The following NCAM1 variants were observed in gnomAD, a reference collection of about 807,000 sequenced individuals.
NCAM1 encodes the protein antigen recognized by monoclonal antibody 5.1H11.
In NCAM1, 14 loss-of-function variants were observed where a neutral mutation model predicts 109.8. The observed-to-expected ratio is 0.13, with a 90% CI of 0.08 to 0.20. NCAM1 has a LOEUF of 0.20. NCAM1 is among the 10% of genes least tolerant of loss of function. The pLI, the probability that NCAM1 is intolerant of heterozygous loss-of-function variation, is 1.00. For synonymous variants in NCAM1, 418 were observed against 442.9 expected (o/e 0.94, Z 0.70); for missense variants, 774 against 1,109.9 (o/e 0.70, Z 4.30).
chr11:113,125,652 C>T (rs984280442), intron 1 of NCAM1, among the ~76,000 whole-genome samples: 5 of 152,158 alleles, frequency 3.3e-5, no homozygotes, highest in Non-Finnish European at 7.4e-5. Flanking sequence ...GCTCAGAGCC[C>T]GCTGGGCAGA....
chr11:113,168,834 T>C (rs782078791), intron 1 of NCAM1, among the ~76,000 whole-genome samples: 5 of 151,724 alleles, frequency 3.3e-5, no homozygotes, highest in East Asian at 1.9e-4. Flanking sequence ...TTGTGTGGGG[T>C]TGGGGAGCTG....
At chr11:113,078,234 C>T (rs1555086489) in intron 1 of NCAM1, among the ~76,000 whole-genome samples, 2 of 152,134 alleles carry the variant, frequency 1.3e-5, no homozygotes, top group South Asian at 4.1e-4. Flanking sequence ...CTGCACAACT[C>T]CAGTCTCTGC....
chr11:113,020,947 G>T (rs1443859466), intron 1 of NCAM1, among the ~76,000 whole-genome samples: 3 of 152,028 alleles, frequency 2.0e-5, no homozygotes, highest in Non-Finnish European at 4.4e-5. Flanking sequence ...AGTAGGGATG[G>T]GATTTCGCCA....
At chr11:113,046,802 A>AAG (rs145834880) in intron 1 of NCAM1, among the ~76,000 whole-genome samples, 22 of 149,448 alleles carry the variant, frequency 1.5e-4, no homozygotes, top group African/African-American at 5.1e-4. Context: ...GAAGAAAGAA[A>AAG]AGAGAGAGAG....
intron 1 of NCAM1, among the ~76,000 whole-genome samples, chr11:113,018,532 G>C (rs558789695): frequency 1.8e-3 from 275 of 152,252 alleles, no homozygotes; most frequent in South Asian, 8.1e-3. Context: ...CCTTGGGGCT[G>C]TGGATGAGGC....
chr11:113,032,048 C>T (rs1157403039), intron 1 of NCAM1, among the ~76,000 whole-genome samples: 3 of 152,110 alleles, frequency 2.0e-5, no homozygotes, highest in Non-Finnish European at 2.9e-5. Flanking sequence ...CTCAAGTGAT[C>T]CTCCTGCCTT....
At chr11:113,041,923 C>G (rs1478399223) in intron 1 of NCAM1, among the ~76,000 whole-genome samples, 1 of 152,166 alleles carries the variant, frequency 6.6e-6, no homozygotes, top group African/African-American at 2.4e-5. Flanking sequence ...AGAGTCCCCT[C>G]AGCTTTTCTC....
intron 16 of NCAM1, among the ~76,000 whole-genome samples, chr11:113,257,956 CCATGCAGCATGAGCACTGT>C (rs1420230047): frequency 6.6e-6 from 1 of 152,208 alleles, no homozygotes; most frequent in African/African-American, 2.4e-5. Flanking sequence ...TGGCATTTGC[CCATGCAGCATGAGCACTGT>C]CACATTCCTA....
In NCAM1 at chr11:112,961,528, G is replaced by C; in HGVS notation, c.-85G>C. ...GCAATTGTCTGCCCCTAGGTCTGTC[G>C]CTCAGCCGCCGTCCACACTCGCTGC... On this transcript the variant is annotated 5_prime_UTR_variant, in exon 1 of 20. Transcript: ENST00000316851. 1 of 897,196 alleles carries C rather than the reference G, an allele frequency of 1.1e-6. No homozygotes were observed. The highest frequency in any genetic ancestry group is 1.9e-6 in the Non-Finnish European group (1 of 526,778). The allele number at this position is 897,196 out of a possible 1,614,324, so 55.6% of individuals were successfully genotyped here.
At chr11:113,235,970 T>C (rs1945156318) in intron 14 of NCAM1, among the ~76,000 whole-genome samples, 1 of 152,198 alleles carries the variant, frequency 6.6e-6, no homozygotes, top group Non-Finnish European at 1.5e-5. Flanking sequence ...ACCGTAGAAC[T>C]AAATTTCTGA....
intron 1 of NCAM1, among the ~76,000 whole-genome samples, chr11:113,029,615 G>T (rs782266380): frequency 6.6e-6 from 1 of 152,136 alleles, no homozygotes; most frequent in Non-Finnish European, 1.5e-5. Flanking sequence ...GTGGACTCTG[G>T]AAAACTCAAG....
intron 1 of NCAM1, among the ~76,000 whole-genome samples, chr11:113,080,720 G>A (rs1443683009): frequency 6.6e-6 from 1 of 152,166 alleles, no homozygotes; most frequent in Non-Finnish European, 1.5e-5. Context: ...CCAAAACATT[G>A]GATCGTACAC....
At chr11:112,966,148 T>A (rs1555065310) in intron 1 of NCAM1, among the ~76,000 whole-genome samples, 2 of 152,180 alleles carry the variant, frequency 1.3e-5, no homozygotes, top group African/African-American at 4.8e-5. Context: ...TTAAAAGAAA[T>A]GGCAGCACAT....
intron 17 of NCAM1, among the ~76,000 whole-genome samples, chr11:113,265,651 A>G (rs1455831431): frequency 2.0e-5 from 3 of 152,218 alleles, no homozygotes; most frequent in African/African-American, 7.2e-5. Context: ...CGCATCCTGC[A>G]AGCCCCTGAG....
intron 9 of NCAM1, chr11:113,221,666 G>A: frequency 3.8e-6 from 1 of 261,918 alleles, no homozygotes; most frequent in Non-Finnish European, 7.4e-6. Context: ...GACTCACATG[G>A]TTGATGTGGC....
In NCAM1 at chr11:113,255,900, G is replaced by A. The variant is rs746818916; in HGVS notation, c.1852G>A (p.Glu618Lys). 5.0e-6 allele frequency: 8 copies of A among 1,612,404 alleles called. No individual in the cohort carries two copies. The highest frequency in any genetic ancestry group is 6.8e-6 in the Non-Finnish European group (8 of 1,179,462). The part of the protein sequence containing the change: ...VQGEPSAPKL[E>K]GQMGEDGNSI... ...AGGGGAACCCAGTGCACCTAAGCTC[G>A]AAGGGCAGATGGGAGAGGATGGAAA... Residue 618 changes from glutamate (E) to lysine (K), a missense_variant, in exon 16 of 20, where the codon GAA becomes AAA. This residue lies in a region of NCAM1 where 523 missense variants were observed against 784.2 expected (regional missense o/e 0.67). Coordinates refer to ENST00000316851, the MANE Select transcript of NCAM1 (RefSeq NM_181351.5).
At chr11:113,117,454 G>A (rs1242060516) in intron 1 of NCAM1, among the ~76,000 whole-genome samples, 5 of 151,810 alleles carry the variant, frequency 3.3e-5, no homozygotes, top group African/African-American at 4.9e-5. Context: ...CTACCTTCCC[G>A]TCCCCCACTA....
intron 1 of NCAM1, among the ~76,000 whole-genome samples, chr11:113,077,165 G>A (rs1938563328): frequency 6.6e-6 from 1 of 152,148 alleles, no homozygotes; most frequent in Non-Finnish European, 1.5e-5. Flanking sequence ...AGGCAGAATT[G>A]TCAGCAAACA....
intron 1 of NCAM1, among the ~76,000 whole-genome samples, chr11:113,122,581 T>C (rs1366467207): frequency 1.3e-5 from 2 of 152,134 alleles, no homozygotes; most frequent in Non-Finnish European, 2.9e-5. Flanking sequence ...GTCGGGAGTT[T>C]GAGACCAGCC....
Sources: allele counts gnomAD v4.1 joint callset (sites outside exome capture counted in the v4.1 genomes callset), GRCh38; gene constraint gnomAD v4.1.1; regional missense constraint gnomAD v4.1.1; transcripts MANE v1.5; gene names NCBI Gene and HGNC (gene_info 2026-07-23, HGNC 2026-07-21).